Variants in VIT observed in about 807,000 individuals in gnomAD.
VIT encodes the protein vitrin.
Under a neutral mutation model 78.0 loss-of-function variants are expected in VIT, and 99 were observed. The observed-to-expected ratio is 1.27, with a 90% CI of 1.08 to 1.50. VIT has a LOEUF of 1.50. VIT is among the 40% of genes most tolerant of loss of function. The pLI, the probability that VIT is intolerant of heterozygous loss-of-function variation, is 0.00. For synonymous variants in VIT, 374 were observed against 334.3 expected (o/e 1.12, Z -1.29); for missense variants, 1,126 against 875.3 (o/e 1.29, Z -3.61).
rs544629939 is a variant in VIT at position 36,762,329 on chromosome 2, C to CATT, written c.487+3285_487+3287dup. ...AACTTTTGATGACAGTATCACTAGG[C>CATT]ATTACTATCATCTCCTTGTTACTAG... is the stretch of plus-strand genomic sequence containing the variant. On this transcript the variant is annotated intron_variant, in intron 6 of 15. Coordinates refer to ENST00000379242, the MANE Select transcript of VIT (RefSeq NM_053276.4). Among the ~76,000 whole-genome samples the CATT allele has an allele frequency of 6.4e-4, 98 of 152,254 alleles. 1 individual carries two copies. The highest frequency in any genetic ancestry group is 2.3e-3 in the African/African-American group (95 of 41,562).
intron 1 of VIT, among the ~76,000 whole-genome samples, chr2:36,699,311 A>G (rs1040400232): frequency 1.3e-5 from 2 of 151,080 alleles, no homozygotes; most frequent in Non-Finnish European, 3.0e-5. Context: ...GGTTCTATGC[A>G]CTGGGACCTC....
chr2:36,714,118 G>A (rs559178603), intron 1 of VIT, among the ~76,000 whole-genome samples: 22 of 152,322 alleles, frequency 1.4e-4, no homozygotes, highest in Middle Eastern at 3.4e-3. Context: ...AAATAACAAA[G>A]TGATCAGTTC....
At position 36,728,826 on chromosome 2, in the gene VIT, AAAAG is replaced by A. The variant is rs1336395339; in HGVS notation, c.53-596_53-593del. Among the ~76,000 whole-genome samples the A allele has an allele frequency of 1.8e-4, 25 of 135,934 alleles. 7 individuals are homozygous for A. The highest frequency in any genetic ancestry group is 1.4e-3 in the South Asian group (6 of 4,226). 89.2% of individuals were successfully genotyped at this position (135,934 alleles called of 152,430 possible). ...AGACTCCGTCTCAAAAAAAAAAAAA[AAAAG>A]AAAAAAGAAAAAATATTTTTTATAA... On this transcript the variant is annotated intron_variant, in intron 2 of 15. Transcript: ENST00000379242.
At chr2:36,703,284 G>A (rs928504938) in intron 1 of VIT, among the ~76,000 whole-genome samples, 3 of 152,120 alleles carry the variant, frequency 2.0e-5, no homozygotes, top group Non-Finnish European at 4.4e-5. Flanking sequence ...CAAGTTATAG[G>A]CATTTTCCCT....
intron 1 of VIT, among the ~76,000 whole-genome samples, chr2:36,698,747 C>G (rs977545442): frequency 6.6e-6 from 1 of 152,024 alleles, no homozygotes; most frequent in Non-Finnish European, 1.5e-5. Context: ...AGTTCGAGAC[C>G]AGCCTGGCCA....
intron 1 of VIT, among the ~76,000 whole-genome samples, chr2:36,701,583 G>A (rs908374224): frequency 2.0e-5 from 3 of 151,774 alleles, no homozygotes; most frequent in African/African-American, 7.3e-5. Context: ...TAGTGAGAAG[G>A]CATTCTGTTT....
At chr2:36,706,266 T>C (rs879384259) in intron 1 of VIT, among the ~76,000 whole-genome samples, 10 of 152,224 alleles carry the variant, frequency 6.6e-5, no homozygotes, top group Non-Finnish European at 1.3e-4. Flanking sequence ...GTCCTTTTCA[T>C]TTTGAGTGTT....
At chr2:36,796,657 T>C (rs1198122760) in intron 12 of VIT, among the ~76,000 whole-genome samples, 1 of 152,082 alleles carries the variant, frequency 6.6e-6, no homozygotes, top group Admixed American at 6.6e-5. Flanking sequence ...TGTTGTTGTT[T>C]GTTTGTGTTT....
chr2:36,800,926 G>A (rs1415582675), intron 12 of VIT, among the ~76,000 whole-genome samples: 1 of 152,122 alleles, frequency 6.6e-6, no homozygotes, highest in Non-Finnish European at 1.5e-5. Flanking sequence ...GGGGTCTGGG[G>A]TAGGCTGAGA....
rs1666933474 is a variant in VIT at position 36,808,776 on chromosome 2, A to G, written c.1694A>G (p.Asp565Gly). 1 of 1,614,000 alleles carries G rather than the reference A, an allele frequency of 6.2e-7. No individual in the cohort carries two copies. Among genetic ancestry groups the G allele is most frequent in the Non-Finnish European group, 8.5e-7 (1 of 1,179,866 alleles). Reference sequence around the variant, plus strand: ...GAACAGCGGCTGGAGTTTGGGTTCGACAAGTACAGCAGCAAGCCTGACATC... The same window carrying G: ...GAACAGCGGCTGGAGTTTGGGTTCGGCAAGTACAGCAGCAAGCCTGACATC... ...TYEQRLEFGF[D>G]KYSSKPDILN... The change falls in exon 15 of 16, where the codon GAC becomes GGC. Residue 565 changes from aspartate (D) to glycine (G), a missense_variant. By Grantham distance (94) the Asp-to-Gly change is moderately conservative (BLOSUM62 -1). Coordinates refer to ENST00000379242, the MANE Select transcript of VIT (RefSeq NM_053276.4).
chr2:36,731,057 G>C lies in VIT; in HGVS notation c.118+1566G>C, dbSNP rs1573173307. On this transcript the variant is annotated intron_variant, in intron 3 of 15. Transcript: ENST00000379242. The stretch of plus-strand genomic sequence containing the variant: ...AGACAGGTTCTCAGTCCAGTCTGAG[G>C]ATTTAACTTGTAGCTTGCCTTTCAG... 1.3e-5 allele frequency among the ~76,000 whole-genome samples: 2 copies of C among 152,094 alleles called. 1 individual carries two copies. Among genetic ancestry groups the C allele is most frequent in the Non-Finnish European group, 2.9e-5 (2 of 68,020 alleles).
intron 15 of VIT, among the ~76,000 whole-genome samples, chr2:36,809,988 C>G (rs1667034170): frequency 1.7e-5 from 1 of 58,262 alleles, no homozygotes; most frequent in African/African-American, 1.5e-4. Context: ...AAGATCCTGT[C>G]TCAAAAAAAA....
At chr2:36,800,284 A>G (rs901185718) in intron 12 of VIT, among the ~76,000 whole-genome samples, 3 of 152,014 alleles carry the variant, frequency 2.0e-5, no homozygotes, top group African/African-American at 7.2e-5. Flanking sequence ...GGCAGAGGTT[A>G]CAGTGAGCTG....
Position 36,806,286 on chromosome 2 carries a change from G to T in VIT, c.1389+622G>T, listed in dbSNP as rs114853373. Among the ~76,000 whole-genome samples the T allele has an allele frequency of 2.2e-3, 334 of 152,330 alleles. 3 individuals carry two copies. The highest frequency in any genetic ancestry group is 7.8e-3 in the African/African-American group (326 of 41,584). On this transcript the variant is annotated intron_variant, in intron 14 of 15. Transcript: ENST00000379242. The stretch of plus-strand genomic sequence containing the variant: ...TAGAAAGCAAGCCTTGGACAGGTTT[G>T]TCTTTGAGGCCCTTCCAGCTTTAAT...
At chr2:36,784,354 C>A (rs961034742) in intron 11 of VIT, among the ~76,000 whole-genome samples, 1 of 152,176 alleles carries the variant, frequency 6.6e-6, no homozygotes. Context: ...ATCAGGTTCT[C>A]CCTAGACCTT....
chr2:36,813,493 T>C (rs1356659109), intron 15 of VIT, among the ~76,000 whole-genome samples: 2 of 152,132 alleles, frequency 1.3e-5, no homozygotes, highest in African/African-American at 4.8e-5. Context: ...CATGTTCATC[T>C]TACATGACTG....
intron 12 of VIT, among the ~76,000 whole-genome samples, chr2:36,796,830 G>T (rs1038721293): frequency 6.6e-6 from 1 of 152,002 alleles, no homozygotes; most frequent in Non-Finnish European, 1.5e-5. Context: ...GATGAGCAAC[G>T]TTTAATTTAT....
chr2:36,794,459 G>C (rs1665723940), intron 12 of VIT, among the ~76,000 whole-genome samples: 1 of 152,088 alleles, frequency 6.6e-6, no homozygotes, highest in South Asian at 2.1e-4. Flanking sequence ...GAGTAACCAG[G>C]CTAATCAGGC....
In VIT at chr2:36,785,455, A is replaced by ATATGACCTGC. The variant is rs1665030257; in HGVS notation, c.911-1669_911-1668insCCTGCTATGA. Among the ~76,000 whole-genome samples the ATATGACCTGC allele has an allele frequency of 3.9e-5, 6 of 152,360 alleles. No homozygotes were observed. In the South Asian group the frequency reaches 1.2e-3, roughly 32 times the overall value. On this transcript the variant is annotated intron_variant, in intron 11 of 15. Transcript: ENST00000379242. ...GGGAATCCACAACATGATAAGCTGC[A>ATATGACCTGC]TATGAGAATCACATGCTGCTTCTCC...
Sources: allele counts gnomAD v4.1 joint callset (sites outside exome capture counted in the v4.1 genomes callset), GRCh38; gene constraint gnomAD v4.1.1; transcripts MANE v1.5; gene names NCBI Gene and HGNC (gene_info 2026-07-23, HGNC 2026-07-21).